CACNA2D1: variants seen among roughly 807,000 people sequenced by gnomAD.
The protein encoded by CACNA2D1 is calcium voltage-gated channel auxiliary subunit alpha2delta 1, also known as voltage-dependent calcium channel subunit alpha-2/delta-1.
A neutral mutation model predicts 171.5 loss-of-function variants in CACNA2D1; 53 were observed. The observed-to-expected ratio is 0.31, with a 90% CI of 0.25 to 0.39. The LOEUF (loss-of-function observed/expected upper bound fraction) is 0.39, where lower values mean the gene tolerates loss of function less well. Among genes scored for constraint, CACNA2D1 ranks in the 10% least tolerant of loss-of-function variants. The pLI, the probability that CACNA2D1 is intolerant of heterozygous loss-of-function variation, is 1.00. For synonymous variants in CACNA2D1, 442 were observed against 443.1 expected, an observed-to-expected ratio of 1.00 and a Z score of 0.03; for missense variants, 903 against 1,299.8, an observed-to-expected ratio of 0.69 and a Z score of 4.69.
chr7:82,052,963 T>A (rs1694461838), intron 10 of CACNA2D1, among the ~76,000 whole-genome samples: 1 of 152,120 alleles, frequency 6.6e-6, no homozygotes, highest in African/African-American at 2.4e-5. Context: ...TGTCTGCCAC[T>A]TGAACATTGC....
chr7:82,424,463 C>T (rs1253392164), intron 1 of CACNA2D1, among the ~76,000 whole-genome samples: 1 of 152,142 alleles, frequency 6.6e-6, no homozygotes, highest in Non-Finnish European at 1.5e-5. Context: ...ATTACCATTA[C>T]ATACTGATTC....
chr7:82,163,838 G>A (rs1348947045), intron 4 of CACNA2D1, among the ~76,000 whole-genome samples: 1 of 151,934 alleles, frequency 6.6e-6, no homozygotes, highest in African/African-American at 2.4e-5. Context: ...GTGAACACCT[G>A]AGACAAACCC....
intron 36 of CACNA2D1, 82 bp from the exon 37 acceptor site, chr7:81,959,911 A>G: frequency 6.5e-7 from 1 of 1,531,548 alleles, no homozygotes; most frequent in Non-Finnish European, 8.8e-7. Context: ...TTACATATTA[A>G]AATGAAAGAC....
intron 1 of CACNA2D1, among the ~76,000 whole-genome samples, chr7:82,388,054 C>A: frequency 6.7e-6 from 1 of 148,992 alleles, no homozygotes; most frequent in Non-Finnish European, 1.5e-5. Flanking sequence ...AAAGTGAGAC[C>A]CTGTCTCCAA....
At chr7:82,132,239 T>C (rs1000484839) in intron 5 of CACNA2D1, among the ~76,000 whole-genome samples, 3 of 152,210 alleles carry the variant, frequency 2.0e-5, no homozygotes, top group African/African-American at 4.8e-5. Context: ...TAAAAGATAA[T>C]AGTCACTCAG....
In CACNA2D1 at chr7:81,949,107, T is replaced by C. The variant is rs1388503360; in HGVS notation, c.*1285A>G. ...CAAAAGCAGCAGTAGCAGGAACTTTTGGATTGTATGTGCTACTATTGAAAC... is the reference window on the plus strand; with the variant it reads ...CAAAAGCAGCAGTAGCAGGAACTTTCGGATTGTATGTGCTACTATTGAAAC... On this transcript the variant is annotated 3_prime_UTR_variant, in exon 39 of 39. Transcript: ENST00000356860. The C allele has an allele frequency of 6.6e-6, 1 of 152,030 alleles. No homozygotes were observed. Among genetic ancestry groups the C allele is most frequent in the African/African-American group, 2.4e-5 (1 of 41,440 alleles). 9.4% of individuals were successfully genotyped at this position (152,030 alleles called of 1,614,324 possible).
chr7:81,960,123 G>A (rs1267168475), intron 36 of CACNA2D1, among the ~76,000 whole-genome samples: 1 of 151,956 alleles, frequency 6.6e-6, no homozygotes, highest in Non-Finnish European at 1.5e-5. Flanking sequence ...GATGTACATA[G>A]AAAAAAGTTT....
intron 38 of CACNA2D1, among the ~76,000 whole-genome samples, chr7:81,954,293 C>A (rs1792954507): frequency 6.6e-6 from 1 of 151,726 alleles, no homozygotes; most frequent in Non-Finnish European, 1.5e-5. Flanking sequence ...AAAAAGAATG[C>A]AGTGCCAATA....
chr7:82,439,747 TA>T (rs1830359180), intron 1 of CACNA2D1, among the ~76,000 whole-genome samples: 2 of 151,700 alleles, frequency 1.3e-5, no homozygotes, highest in South Asian at 4.2e-4. Flanking sequence ...TTGCATATTT[TA>T]AAACATACAT....
At chr7:82,043,877 T>C (rs1281863779) in intron 10 of CACNA2D1, among the ~76,000 whole-genome samples, 2 of 152,184 alleles carry the variant, frequency 1.3e-5, no homozygotes, top group Non-Finnish European at 2.9e-5. Flanking sequence ...ACACATCTTC[T>C]TGGAGTACCA....
intron 1 of CACNA2D1, among the ~76,000 whole-genome samples, chr7:82,404,931 T>C (rs894053139): frequency 1.3e-5 from 2 of 152,242 alleles, no homozygotes; most frequent in African/African-American, 2.4e-5. Flanking sequence ...GTGCGTAGAG[T>C]TTGAATAGCA....
chr7:82,185,489 G>GAGGGGGAGGGGAGGAGA (rs1167023619), intron 3 of CACNA2D1, among the ~76,000 whole-genome samples: 2 of 17,650 alleles, frequency 1.1e-4, no homozygotes, highest in Non-Finnish European at 2.6e-4. Context: ...GGGGGAGGAG[G>GAGGGGGAGGGGAGGAGA]AGGGGGAGGG....
rs112593380 is a variant in CACNA2D1, at chr7:82,061,279, C to A, written c.780-752G>T. 1.0e-3 allele frequency among the ~76,000 whole-genome samples: 159 copies of A among 152,242 alleles called. 1 individual carries two copies. Among genetic ancestry groups the A allele is most frequent in the South Asian group, 7.5e-3 (36 of 4,820 alleles). Reference sequence around the variant, plus strand: ...CATCCAATTTGTTCTTCCCTCTCAACCTTCCTGTGCATTCAGGCAAAATCC... The same window carrying A: ...CATCCAATTTGTTCTTCCCTCTCAAACTTCCTGTGCATTCAGGCAAAATCC... On this transcript the variant is annotated intron_variant, in intron 9 of 38. Coordinates refer to ENST00000356860, the MANE Select transcript of CACNA2D1 (RefSeq NM_000722.4).
chr7:82,125,320 A>G (rs1790215046), intron 5 of CACNA2D1, among the ~76,000 whole-genome samples: 1 of 152,316 alleles, frequency 6.6e-6, no homozygotes, highest in African/African-American at 2.4e-5. Context: ...CTTTGTAATG[A>G]TCTGCTTTCT....
At chr7:82,212,012 C>A (rs760309792) in intron 3 of CACNA2D1, among the ~76,000 whole-genome samples, 3 of 152,080 alleles carry the variant, frequency 2.0e-5, no homozygotes, top group Non-Finnish European at 4.4e-5. Flanking sequence ...TGCTTGTTGA[C>A]CACGTGTATA....
intron 5 of CACNA2D1, among the ~76,000 whole-genome samples, chr7:82,130,608 C>T (rs1410427188): frequency 1.3e-5 from 2 of 151,730 alleles, no homozygotes; most frequent in African/African-American, 4.8e-5. Flanking sequence ...CTAGGAAATC[C>T]TGGAAATGAT....
At chr7:81,999,192 A>G (rs538999925) in intron 18 of CACNA2D1, among the ~76,000 whole-genome samples, 2 of 152,328 alleles carry the variant, frequency 1.3e-5, no homozygotes, top group South Asian at 2.1e-4. Context: ...ACAAAGACAC[A>G]GAGAAGAAAA....
At chr7:82,386,523 G>A (rs1022845800) in intron 1 of CACNA2D1, among the ~76,000 whole-genome samples, 5 of 151,844 alleles carry the variant, frequency 3.3e-5, no homozygotes, top group Admixed American at 1.3e-4. Context: ...ACCAGAGGTC[G>A]GGAGTTCGAG....
chr7:82,244,631 GA>G (rs1804696666), intron 3 of CACNA2D1, among the ~76,000 whole-genome samples: 2 of 151,390 alleles, frequency 1.3e-5, no homozygotes, highest in African/African-American at 2.4e-5. Context: ...TAAGCAAGGG[GA>G]AAAAAAGCAA....
Sources: gnomAD v4.1 joint callset for allele counts (sites outside exome capture counted in the v4.1 genomes callset) on GRCh38, gnomAD v4.1.1 for gene constraint, MANE v1.5 for transcripts, NCBI Gene and HGNC (gene_info 2026-07-23, HGNC 2026-07-21) for gene names.